The following PRKG1 variants were observed in gnomAD, a reference collection of about 807,000 sequenced individuals.
The protein encoded by PRKG1 is cGMP-dependent protein kinase 1.
PRKG1 carries 35 observed loss-of-function variants against 88.1 expected under a neutral mutation model. The ratio of observed to expected loss-of-function variants is 0.40; its 90% CI spans 0.30 to 0.53. The LOEUF (loss-of-function observed/expected upper bound fraction) is 0.53. Among genes scored for constraint, PRKG1 ranks in the 20% least tolerant of loss-of-function variants. The pLI, the probability that PRKG1 is intolerant of heterozygous loss-of-function variation, is 0.59. For missense variants in PRKG1, 540 were observed against 839.8 expected (o/e 0.64, Z 4.41); for synonymous variants, 303 against 292.5 (o/e 1.04, Z -0.37).
intron 4 of PRKG1, among the ~76,000 whole-genome samples, chr10:51,873,081 A>G (rs139163467): frequency 6.6e-6 from 1 of 152,162 alleles, no homozygotes; most frequent in Non-Finnish European, 1.5e-5. Flanking sequence ...AATATCAAAT[A>G]CCTAATTATT....
intron 1 of PRKG1, among the ~76,000 whole-genome samples, chr10:50,999,442 T>C (rs533654523): frequency 6.6e-6 from 1 of 152,312 alleles, no homozygotes; most frequent in South Asian, 2.1e-4. Context: ...GCAACTACAC[T>C]TCTTCAATTA....
At chr10:52,082,112 T>C (rs1178316736) in intron 7 of PRKG1, among the ~76,000 whole-genome samples, 1 of 152,068 alleles carries the variant, frequency 6.6e-6, no homozygotes, top group East Asian at 1.9e-4. Flanking sequence ...GAAGAAGTAC[T>C]GAGCGAAAGG....
chr10:51,716,350 C>A (rs1026010423), intron 3 of PRKG1, among the ~76,000 whole-genome samples: 4 of 152,194 alleles, frequency 2.6e-5, no homozygotes. Flanking sequence ...TACAGTCAAA[C>A]ATAACATTCT....
intron 4 of PRKG1, among the ~76,000 whole-genome samples, chr10:51,886,360 T>A (rs1841568833): frequency 6.6e-6 from 1 of 152,238 alleles, no homozygotes; most frequent in African/African-American, 2.4e-5. Flanking sequence ...TGGCACTTAA[T>A]GTAAGCCATT....
In PRKG1 at chr10:51,743,752, A is replaced by ATATATTTAGTT. The variant is rs1554837643; in HGVS notation, c.593-60828_593-60827insTTAGTTTATAT. Among the ~76,000 whole-genome samples, 3 of 134,536 alleles carry ATATATTTAGTT rather than the reference A, an allele frequency of 2.2e-5. No individual in the cohort carries two copies. In the East Asian group the frequency reaches 6.1e-4, roughly 27 times the overall value. 88.3% of individuals were successfully genotyped at this position (134,536 alleles called of 152,430 possible). ...ATATAAACTAAATATATATATATAT[A>ATATATTTAGTT]TATATATATATATTTAGTTGCCTAT... is the stretch of plus-strand genomic sequence containing the variant. On this transcript the variant is annotated intron_variant, in intron 3 of 17. Transcript: ENST00000373980.
At chr10:51,048,527 A>T (rs1459798834) in intron 1 of PRKG1, among the ~76,000 whole-genome samples, 1 of 152,176 alleles carries the variant, frequency 6.6e-6, no homozygotes, top group African/African-American at 2.4e-5. Flanking sequence ...ATCTTCGTTT[A>T]TATGATTTGA....
chr10:51,370,488 G>A (rs1360896459), intron 2 of PRKG1, among the ~76,000 whole-genome samples: 1 of 135,086 alleles, frequency 7.4e-6, no homozygotes, highest in Non-Finnish European at 1.6e-5. Context: ...GACAGAAAGA[G>A]AGAGAGAGTG....
At chr10:51,894,643 G>A (rs375200370) in intron 4 of PRKG1, among the ~76,000 whole-genome samples, 4 of 152,102 alleles carry the variant, frequency 2.6e-5, no homozygotes, top group African/African-American at 9.7e-5. Context: ...TGACTTTACG[G>A]TTCGGAAACA....
chr10:52,050,241 C>T (rs755222834), intron 5 of PRKG1, among the ~76,000 whole-genome samples: 5 of 151,872 alleles, frequency 3.3e-5, no homozygotes, highest in Admixed American at 6.6e-5. Flanking sequence ...AGGGCAAAAT[C>T]GGGAACAGTG....
intron 3 of PRKG1, chr10:51,698,030 C>G: frequency 6.2e-7 from 1 of 1,614,038 alleles, no homozygotes; most frequent in Non-Finnish European, 8.5e-7. Context: ...ACCCTGCATA[C>G]CAGCTCCAGG....
rs1299095474 is a variant in PRKG1, at chr10:51,940,515, T to C, written c.762+32945T>C. 3.3e-5 allele frequency among the ~76,000 whole-genome samples: 5 copies of C among 151,922 alleles called. No homozygotes were observed. The East Asian group carries it at 9.6e-4, about 29-fold the overall frequency. ...TGCCACTGGTACAAGTTTGGATACC[T>C]ATGATGGCTATACTGGTTTTTCAAA... On this transcript the variant is annotated intron_variant, in intron 5 of 17. Transcript: ENST00000373980.
At chr10:51,878,412 A>G (rs1217042609) in intron 4 of PRKG1, among the ~76,000 whole-genome samples, 1 of 152,168 alleles carries the variant, frequency 6.6e-6, no homozygotes, top group Non-Finnish European at 1.5e-5. Flanking sequence ...GCAAATCTAT[A>G]CCAAATGGAT....
In PRKG1 at chr10:52,272,764, T is replaced by TAGAC. The variant is rs143147791; in HGVS notation, c.1403+285_1403+286insACAG. Among the ~76,000 whole-genome samples, 4,492 of 152,144 alleles carry TAGAC rather than the reference T, an allele frequency of 0.03. 285 individuals are homozygous for TAGAC. Among genetic ancestry groups the TAGAC allele is most frequent in the East Asian group, 0.24 (1,217 of 5,158 alleles). On this transcript the variant is annotated intron_variant, in intron 12 of 17. Coordinates refer to ENST00000373980, the MANE Select transcript of PRKG1 (RefSeq NM_006258.4). ...CTTAGTTTTGCATGAATGTTAGAAT[T>TAGAC]AGCTCTGTAGCTGGAATTCAATTCA...
intron 1 of PRKG1, among the ~76,000 whole-genome samples, chr10:51,016,956 C>T (rs955870918): frequency 4.0e-5 from 6 of 151,626 alleles, no homozygotes; most frequent in East Asian, 3.9e-4. Flanking sequence ...TGTGAGCCAC[C>T]GTGCCTGGCC....
intron 1 of PRKG1, among the ~76,000 whole-genome samples, chr10:51,083,791 G>T (rs1844177381): frequency 1.3e-5 from 2 of 152,142 alleles, no homozygotes; most frequent in Admixed American, 1.3e-4. Flanking sequence ...AGACCTCACT[G>T]CTGCCCCTAT....
chr10:51,150,778 C>T (rs981824766), intron 1 of PRKG1, among the ~76,000 whole-genome samples: 4 of 152,086 alleles, frequency 2.6e-5, no homozygotes, highest in African/African-American at 9.7e-5. Context: ...CCATCCCACA[C>T]TCTACATTCA....
chr10:51,487,062 C>T (rs775498490), intron 3 of PRKG1, among the ~76,000 whole-genome samples: 1 of 151,622 alleles, frequency 6.6e-6, no homozygotes, highest in Non-Finnish European at 1.5e-5. Flanking sequence ...ACACCAATAA[C>T]TTGACTTAGT....
intron 4 of PRKG1, 146 bp from the exon 5 acceptor site, chr10:51,907,361 T>G: frequency 1.6e-6 from 1 of 618,412 alleles, no homozygotes; most frequent in Non-Finnish European, 2.7e-6. Flanking sequence ...TTTTTTCAGG[T>G]TGTGTGGCTA....
chr10:51,954,581 A>G lies in PRKG1; in HGVS notation c.762+47011A>G, dbSNP rs144040382. 2.0e-4 allele frequency among the ~76,000 whole-genome samples: 30 copies of G among 152,352 alleles called. No homozygotes were observed. The East Asian group carries it at 5.8e-3, about 29-fold the overall frequency. Reference sequence around the variant, plus strand: ...TTGCATGTGTTTGAGAAAAACACTTAGAAAACATATCACACCTTAGCTTAA... The same window carrying G: ...TTGCATGTGTTTGAGAAAAACACTTGGAAAACATATCACACCTTAGCTTAA... On this transcript the variant is annotated intron_variant, in intron 5 of 17. Transcript: ENST00000373980.
Sources: gnomAD v4.1 joint callset for allele counts (sites outside exome capture counted in the v4.1 genomes callset) on GRCh38, gnomAD v4.1.1 for gene constraint, MANE v1.5 for transcripts, NCBI Gene and HGNC (gene_info 2026-07-23, HGNC 2026-07-21) for gene names.